CYP2C8: variants seen among roughly 807,000 people sequenced by gnomAD.
CYP2C8 encodes cytochrome P450 2C8.
A neutral mutation model predicts 41.3 loss-of-function variants in CYP2C8; 51 were observed. The ratio of observed to expected loss-of-function variants is 1.24; its 90% CI spans 0.99 to 1.56. The LOEUF (loss-of-function observed/expected upper bound fraction) is 1.56. Ranked by LOEUF, CYP2C8 falls within the 40% of genes most tolerant of loss-of-function variation. The pLI is 0.00. For missense variants in CYP2C8, 651 were observed against 579.9 expected, an observed-to-expected ratio of 1.12 and a Z score of -1.26; for synonymous variants, 218 against 205.8, an observed-to-expected ratio of 1.06 and a Z score of -0.51.
intron 5 of CYP2C8, among the ~76,000 whole-genome samples, chr10:95,054,353 A>G (rs1047061058): frequency 2.0e-5 from 3 of 152,148 alleles, no homozygotes; most frequent in Non-Finnish European, 4.4e-5. Context: ...ATAAGACAAA[A>G]TTCAATACTT....
At position 95,045,960 on chromosome 10, in the gene CYP2C8, G is replaced by A; in HGVS notation, c.820-9C>T. On this transcript the variant is annotated splice_polypyrimidine_tract_variant and intron_variant, in intron 5 of 8. Transcript: ENST00000371270. ...TTTTGGTTGTCCTTTTCCTAGAAGT[G>A]ATTTCATGCAATTATCTGACAAATT... 6.2e-7 allele frequency: 1 copy of A among 1,613,600 alleles called. No individual in the cohort carries two copies. The highest frequency in any genetic ancestry group is 1.3e-5 in the African/African-American group (1 of 74,992).
rs11572144 is a variant in CYP2C8, at chr10:95,048,764, G to A, written c.820-2813C>T. Among the ~76,000 whole-genome samples the A allele has an allele frequency of 9.5e-3, 1,438 of 152,048 alleles. 15 individuals carry two copies. Among genetic ancestry groups the A allele is most frequent in the Non-Finnish European group, 0.012 (804 of 67,996 alleles). On this transcript the variant is annotated intron_variant, in intron 5 of 8. Coordinates refer to ENST00000371270, the MANE Select transcript of CYP2C8 (RefSeq NM_000770.3). ...TTTGTGCTTGGCTGATATTACCCAG[G>A]GGAACATGTAGAAGAATGAAATATG... is the stretch of plus-strand genomic sequence containing the variant.
At chr10:95,068,443 A>G (rs2033614865) in intron 1 of CYP2C8, 5 of 442,862 alleles carry the variant, frequency 1.1e-5, no homozygotes, top group South Asian at 9.6e-5. Flanking sequence ...TCTTTCATGC[A>G]CTTATGTTTG....
chr10:95,051,663 T>C (rs769144624), intron 5 of CYP2C8, among the ~76,000 whole-genome samples: 9 of 152,104 alleles, frequency 5.9e-5, no homozygotes, highest in Non-Finnish European at 1.2e-4. Context: ...CCAGCTTAAG[T>C]CAATTTTGTA....
intron 4 of CYP2C8, 131 bp from the exon 5 acceptor site, chr10:95,058,642 A>G: frequency 1.2e-6 from 1 of 811,840 alleles, no homozygotes; most frequent in African/African-American, 1.7e-5. Flanking sequence ...ATTTTTATAC[A>G]TATATACATT....
intron 5 of CYP2C8, among the ~76,000 whole-genome samples, chr10:95,056,668 G>T (rs2033320527): frequency 6.6e-6 from 1 of 152,102 alleles, no homozygotes; most frequent in Admixed American, 6.5e-5. Flanking sequence ...ATATGCCATG[G>T]GTCAAATGTT....
Position 95,061,959 on chromosome 10 carries a change from T to A in CYP2C8, c.642+2841A>T, listed in dbSNP as rs540103371. 5.3e-5 allele frequency among the ~76,000 whole-genome samples: 8 copies of A among 152,306 alleles called. No homozygotes were observed. The South Asian group carries it at 1.4e-3, about 28-fold the overall frequency. On this transcript the variant is annotated intron_variant, in intron 4 of 8. Coordinates refer to ENST00000371270, the MANE Select transcript of CYP2C8 (RefSeq NM_000770.3). ...ATGTAGTTGAGTGGTTTTGAGTGAG[T>A]TTCTTAATCCTGAGTTCTAGTTTGA...
At position 95,043,009 on chromosome 10, in the gene CYP2C8, G is replaced by A. The variant is rs2134410567; in HGVS notation, c.1030C>T (p.His344Tyr). The A allele has an allele frequency of 6.2e-7, 1 of 1,614,104 alleles. No homozygotes were observed. Among genetic ancestry groups the A allele is most frequent in the Non-Finnish European group, 8.5e-7 (1 of 1,179,960 alleles). Residue 344 changes from histidine to tyrosine, a missense_variant, in exon 7 of 9, where the codon CAC (histidine) becomes TAC (tyrosine). Physicochemically the swap from His to Tyr is moderately conservative, Grantham distance 83 (BLOSUM62 2). Transcript: ENST00000371270. Reference protein sequence around the residue: ...HRSPCMQDRSHMPYTDAVVHE... With the variant: ...HRSPCMQDRSYMPYTDAVVHE... ...ACTACAGCATCAGTGTAAGGCATGT[G>A]GCTCCTATCCTGCATGCAGGGGCTC...
intron 5 of CYP2C8, among the ~76,000 whole-genome samples, chr10:95,050,272 C>A (rs1036617583): frequency 6.6e-6 from 1 of 152,070 alleles, no homozygotes; most frequent in East Asian, 1.9e-4. Context: ...ACCAAATAGA[C>A]TTCTAAGGTT....
In CYP2C8 at chr10:95,067,256, C is replaced by G. The variant is rs1352809219; in HGVS notation, c.433G>C (p.Val145Leu). ...ACAAGGCAGTGAGCTTCCTCTTGAACACGGTCCTCAATGCTCCTCTTCCCC... is the reference window on the plus strand; with the variant it reads ...ACAAGGCAGTGAGCTTCCTCTTGAAGACGGTCCTCAATGCTCCTCTTCCCC... ...GMGKRSIEDR[V>L]QEEAHCLVEE... Residue 145 changes from valine to leucine, a missense_variant, in exon 3 of 9, where the codon GTT becomes CTT. Physicochemically the swap from Val to Leu is conservative, Grantham distance 32 (BLOSUM62 1). Coordinates refer to ENST00000371270, the MANE Select transcript of CYP2C8 (RefSeq NM_000770.3). The G allele has an allele frequency of 6.2e-7, 1 of 1,614,212 alleles. No homozygotes were observed. Among genetic ancestry groups the G allele is most frequent in the South Asian group, 1.1e-5 (1 of 91,088 alleles).
chr10:95,054,241 A>G (rs965025505), intron 5 of CYP2C8, among the ~76,000 whole-genome samples: 1 of 152,106 alleles, frequency 6.6e-6, no homozygotes, highest in African/African-American at 2.4e-5. Flanking sequence ...GAGGAGTGCA[A>G]GAGTGCTTCA....
At chr10:95,054,100 A>G (rs1260290126) in intron 5 of CYP2C8, among the ~76,000 whole-genome samples, 1 of 152,156 alleles carries the variant, frequency 6.6e-6, no homozygotes, top group African/African-American at 2.4e-5. Context: ...TACTACTGCT[A>G]TTCAGCATCG....
In CYP2C8 at chr10:95,067,229, C is replaced by A. The variant is rs767098538; in HGVS notation, c.460G>T (p.Glu154Ter). 3.7e-6 allele frequency: 6 copies of A among 1,614,152 alleles called. No individual in the cohort carries two copies. The highest frequency in any genetic ancestry group is 5.1e-6 in the Non-Finnish European group (6 of 1,180,006). Residue 154 changes from glutamate to a stop codon, truncating the protein, a stop_gained, in exon 3 of 9, where the codon GAG (glutamate) becomes TAG (stop). Coordinates refer to ENST00000371270, the MANE Select transcript of CYP2C8 (RefSeq NM_000770.3). LOFTEE classifies it high-confidence loss of function. ...CCACCCTTGGTTTTTCTCAACTCCT[C>A]CACAAGGCAGTGAGCTTCCTCTTGA... ...RVQEEAHCLVEELRKTKASPC... is the reference protein window; with the variant it reads ...RVQEEAHCLV
At chr10:95,063,873 C>G (rs183890598) in intron 4 of CYP2C8, among the ~76,000 whole-genome samples, 1 of 151,792 alleles carries the variant, frequency 6.6e-6, no homozygotes, top group Admixed American at 6.6e-5. Context: ...GATCCTCAGC[C>G]GCGAGTCTGC....
intron 4 of CYP2C8, among the ~76,000 whole-genome samples, chr10:95,063,205 G>T (rs1323366890): frequency 6.6e-6 from 1 of 152,180 alleles, no homozygotes; most frequent in East Asian, 1.9e-4. Context: ...GGTTGGGGAA[G>T]TTCTCCTGGA....
chr10:95,049,680 G>A (rs1051945078), intron 5 of CYP2C8, among the ~76,000 whole-genome samples: 1 of 152,078 alleles, frequency 6.6e-6, no homozygotes, highest in Non-Finnish European at 1.5e-5. Context: ...TTGGCTACAA[G>A]TACTGTAACT....
intron 2 of CYP2C8, 36 bp from the exon 3 acceptor site, chr10:95,067,393 C>A: frequency 1.2e-6 from 2 of 1,614,052 alleles, no homozygotes; most frequent in Non-Finnish European, 8.5e-7. Context: ...GGAGAATTCA[C>A]AGCCAAGGAA....
intron 1 of CYP2C8, chr10:95,068,673 G>C (rs1474992691): frequency 3.4e-6 from 4 of 1,167,872 alleles, no homozygotes; most frequent in Non-Finnish European, 4.6e-6. Flanking sequence ...TTTTGCCACT[G>C]TATTAAATGA....
At chr10:95,039,538 C>G (rs1427311621) in intron 7 of CYP2C8, among the ~76,000 whole-genome samples, 4 of 152,136 alleles carry the variant, frequency 2.6e-5, no homozygotes, top group African/African-American at 9.7e-5. Flanking sequence ...TACTGCCATG[C>G]TACAGATTAA....
Sources: gnomAD v4.1 joint callset for allele counts (sites outside exome capture counted in the v4.1 genomes callset) on GRCh38, gnomAD v4.1.1 for gene constraint, MANE v1.5 for transcripts, NCBI Gene and HGNC (gene_info 2026-07-23, HGNC 2026-07-21) for gene names.